The following ESYT3 variants were observed in gnomAD, a reference collection of about 807,000 sequenced individuals.
ESYT3 encodes the protein extended synaptotagmin-3.
A neutral mutation model predicts 111.5 loss-of-function variants in ESYT3; 101 were observed. That is an observed-to-expected ratio of 0.91 (90% confidence interval 0.77 to 1.07). ESYT3 has a LOEUF of 1.07. Ranked by LOEUF, ESYT3 falls within the 50% of genes least tolerant of loss-of-function variation. The pLI is 0.00. For missense variants in ESYT3, 1,097 were observed against 1,109.4 expected, an observed-to-expected ratio of 0.99 and a Z score of 0.16; for synonymous variants, 416 against 446.8, an observed-to-expected ratio of 0.93 and a Z score of 0.87.
intron 1 of ESYT3, among the ~76,000 whole-genome samples, chr3:138,444,090 A>G (rs1162053352): frequency 2.6e-5 from 4 of 152,202 alleles, no homozygotes; most frequent in Non-Finnish European, 4.4e-5. Context: ...TGGCCTGTCT[A>G]GCATGGAATT....
chr3:138,438,573 C>T (rs564923034), intron 1 of ESYT3, among the ~76,000 whole-genome samples: 4 of 152,346 alleles, frequency 2.6e-5, no homozygotes, highest in South Asian at 2.1e-4. Flanking sequence ...CAGTCATGCA[C>T]GACTTTCCTG....
chr3:138,446,386 G>A (rs1000172766), intron 1 of ESYT3, among the ~76,000 whole-genome samples: 1 of 152,174 alleles, frequency 6.6e-6, no homozygotes, highest in Admixed American at 6.5e-5. Context: ...CTGAACTTTA[G>A]TTTCCTTATC....
chr3:138,434,686 G>T lies in ESYT3; in HGVS notation c.-113G>T. The T allele has an allele frequency of 1.0e-6, 1 of 989,128 alleles. No individual in the cohort carries two copies. The highest frequency in any genetic ancestry group is 1.4e-6 in the Non-Finnish European group (1 of 699,088). The allele number at this position is 989,128 out of a possible 1,614,324, so 61.3% of individuals were successfully genotyped here. A position where few individuals can be genotyped will look rare whatever the true frequency, so the allele number is the denominator to read the frequency against. Reference sequence around the variant, plus strand: ...CGCGCCGAGAGTCCCAGCAGGGCAAGGGGGCGCGGCGTCCTGGTCCTCGAG... The same window carrying T: ...CGCGCCGAGAGTCCCAGCAGGGCAATGGGGCGCGGCGTCCTGGTCCTCGAG... On this transcript the variant is annotated 5_prime_UTR_variant, in exon 1 of 23. The change creates a new upstream start codon in the 5' untranslated region. Transcript: ENST00000389567.
intron 1 of ESYT3, among the ~76,000 whole-genome samples, chr3:138,436,442 A>G (rs1370100674): frequency 6.6e-6 from 1 of 152,236 alleles, no homozygotes; most frequent in African/African-American, 2.4e-5. Flanking sequence ...CCTACCTGCA[A>G]ATAGAATCAC....
At position 138,476,345 on chromosome 3, in the gene ESYT3, T is replaced by C. The variant is rs771662434; in HGVS notation, c.2574+17T>C. On this transcript the variant is annotated intron_variant, in intron 21 of 22. Transcript: ENST00000389567. ...TTAGGAAAAGTAAGTACAAGAGATA[T>C]TTGATATACCAAGGAGATTATGATC... is the stretch of plus-strand genomic sequence containing the variant. 5 of 1,604,986 alleles carry C rather than the reference T, an allele frequency of 3.1e-6. No individual in the cohort carries two copies. In the South Asian group the frequency reaches 3.3e-5, roughly 11 times the overall value.
chr3:138,438,364 T>C (rs2030882500), intron 1 of ESYT3, among the ~76,000 whole-genome samples: 1 of 152,162 alleles, frequency 6.6e-6, no homozygotes, highest in African/African-American at 2.4e-5. Flanking sequence ...GAGTTGGCCC[T>C]GTACTCTAGC....
In ESYT3 at chr3:138,462,216, C is replaced by G. The variant is rs374301806; in HGVS notation, c.915+10C>G. 2 of 1,614,126 alleles carry G rather than the reference C, an allele frequency of 1.2e-6. No individual in the cohort carries two copies. The highest frequency in any genetic ancestry group is 2.2e-5 in the South Asian group (2 of 91,084). On this transcript the variant is annotated intron_variant, in intron 8 of 22. Transcript: ENST00000389567. ...CTTCCCTCTGCCCTGTGTGAGTACC[C>G]AGTACTAGCCACAGACCAGCCTGCT...
intron 7 of ESYT3, 147 bp from the exon 8 acceptor site, chr3:138,461,939 C>T: frequency 8.8e-7 from 1 of 1,130,642 alleles, no homozygotes; most frequent in Non-Finnish European, 1.3e-6. Context: ...CACACCCACC[C>T]CTACCCAGGC....
intron 14 of ESYT3, 73 bp from the exon 15 acceptor site, chr3:138,469,363 G>A: frequency 7.4e-7 from 1 of 1,346,794 alleles, no homozygotes; most frequent in Non-Finnish European, 1.1e-6. Flanking sequence ...TGCTCCTGGG[G>A]GTTGGGGGTA....
chr3:138,476,535 A>C (rs774500757), intron 22 of ESYT3, 43 bp downstream of exon 22: 4 of 1,596,444 alleles, frequency 2.5e-6, no homozygotes, highest in Non-Finnish European at 3.4e-6. Flanking sequence ...CCTGCTATTC[A>C]AGACAGTTTT....
intron 8 of ESYT3, among the ~76,000 whole-genome samples, chr3:138,462,824 G>A (rs918126393): frequency 6.6e-6 from 1 of 152,034 alleles, no homozygotes; most frequent in Non-Finnish European, 1.5e-5. Flanking sequence ...TACCACGCCT[G>A]GCTAATTTTT....
At chr3:138,465,307 C>G (rs748644194) in intron 9 of ESYT3, 32 bp from the exon 10 acceptor site, 9 of 1,518,860 alleles carry the variant, frequency 5.9e-6, no homozygotes, top group Non-Finnish European at 7.2e-6. Flanking sequence ...CGACTGTTGC[C>G]TGCAGGTCAA....
chr3:138,470,526 C>T (rs1217571774), intron 16 of ESYT3: 1 of 1,137,132 alleles, frequency 8.8e-7, no homozygotes, highest in African/African-American at 1.6e-5. Context: ...AAAACAATGT[C>T]TTGTCCAAGA....
intron 16 of ESYT3, 105 bp downstream of exon 16, chr3:138,470,251 A>C: frequency 1.4e-6 from 2 of 1,443,036 alleles, no homozygotes. Context: ...GCAGCGTTTA[A>C]AGTCAGCCCC....
Position 138,468,635 on chromosome 3 carries a change from G to C in ESYT3, c.1309-20G>C, listed in dbSNP as rs187064724. The C allele has an allele frequency of 2.5e-6, 4 of 1,613,714 alleles. No individual in the cohort carries two copies. Among genetic ancestry groups the C allele is most frequent in the East Asian group, 4.5e-5 (2 of 44,882 alleles). On this transcript the variant is annotated intron_variant, in intron 12 of 22. Transcript: ENST00000389567. Reference sequence around the variant, plus strand: ...TCCTGCTGCTGGGAGTACCCAGTGAGGGTCTGTGTCTGTTTGCAGGACCAT... The same window carrying C: ...TCCTGCTGCTGGGAGTACCCAGTGACGGTCTGTGTCTGTTTGCAGGACCAT...
In ESYT3 at chr3:138,478,400, G is replaced by A. The variant is rs139401074; in HGVS notation, c.*1546G>A. ...AATGGCAAATTCTCATAATAAAATG[G>A]AGCATTGATGCCTACCCTGTCTACC... On this transcript the variant is annotated 3_prime_UTR_variant, in exon 23 of 23. Transcript: ENST00000389567. 6.6e-6 allele frequency: 1 copy of A among 152,214 alleles called. No individual in the cohort carries two copies. The highest frequency in any genetic ancestry group is 2.4e-5 in the African/African-American group (1 of 41,532). The allele number at this position is 152,214 out of a possible 1,614,324, so 9.4% of individuals were successfully genotyped here.
intron 1 of ESYT3, among the ~76,000 whole-genome samples, chr3:138,450,815 A>G (rs2031872125): frequency 6.6e-6 from 1 of 152,192 alleles, no homozygotes; most frequent in Non-Finnish European, 1.5e-5. Flanking sequence ...AACTGCAGGG[A>G]CACATCTACT....
intron 1 of ESYT3, among the ~76,000 whole-genome samples, chr3:138,441,945 G>C (rs150777042): frequency 6.6e-6 from 1 of 152,034 alleles, no homozygotes; most frequent in Non-Finnish European, 1.5e-5. Flanking sequence ...AGGGCAGGCC[G>C]AGAAGCCCTG....
At chr3:138,469,344 TC>T in intron 14 of ESYT3, 91 bp from the exon 15 acceptor site, 1 of 1,101,902 alleles carries the variant, frequency 9.1e-7, no homozygotes, top group Non-Finnish European at 1.4e-6. Flanking sequence ...TGGCCCCAGT[TC>T]CCCCAGATGC....
Sources: gnomAD v4.1 joint callset for allele counts (sites outside exome capture counted in the v4.1 genomes callset) on GRCh38, gnomAD v4.1.1 for gene constraint, MANE v1.5 for transcripts, NCBI Gene and HGNC (gene_info 2026-07-23, HGNC 2026-07-21) for gene names.